The following GABRE variants were observed in gnomAD, a reference collection of about 807,000 sequenced individuals.
GABRE encodes the protein gamma-aminobutyric acid receptor subunit epsilon.
Under a neutral mutation model 31.0 loss-of-function variants are expected in GABRE, and 20 were observed. That is an observed-to-expected ratio of 0.64 (90% CI 0.45 to 0.94). GABRE has a LOEUF of 0.94. Ranked by LOEUF, GABRE falls within the 40% of genes least tolerant of loss-of-function variation. The pLI, the probability that GABRE is intolerant of heterozygous loss-of-function variation, is 0.00. For synonymous variants in GABRE, 155 were observed against 150.6 expected (o/e 1.03, Z -0.21); for missense variants, 420 against 410.7 (o/e 1.02, Z -0.20).
chrX:151,954,959 C>T lies in GABRE; in HGVS notation c.1263G>A (p.Pro421=), dbSNP rs781143885. ...TTEGSDGEER[P]SCSAQQPPSP... ...TAGGGGGCTGCTGGGCTGAGCAAGA[C>T]GGGCGCTCCTCTCCATCACTTCCCT... Residue 421 remains proline, a synonymous_variant, in exon 9 of 9, where the codon CCG becomes CCA. Coordinates refer to ENST00000370328, the MANE Select transcript of GABRE (RefSeq NM_004961.4). 156 of 1,205,427 alleles carry T rather than the reference C, an allele frequency of 1.3e-4. No homozygotes were observed. Among genetic ancestry groups the T allele is most frequent in the Middle Eastern group, 4.6e-4 (2 of 4,365 alleles).
intron 1 of GABRE, chrX:151,971,077 T>G: frequency 1.2e-6 from 1 of 821,567 alleles, no homozygotes; most frequent in South Asian, 4.2e-5. Flanking sequence ...AAGAAGAAGA[T>G]TAGTAAGAAT....
intron 3 of GABRE, among the ~76,000 whole-genome samples, chrX:151,968,331 G>A (rs1255683613): frequency 8.9e-6 from 1 of 112,306 alleles, no homozygotes; most frequent in Non-Finnish European, 1.9e-5. Context: ...TGACCCACAC[G>A]AACTGTGAGA....
chrX:151,964,182 C>A (rs73616097), intron 3 of GABRE, among the ~76,000 whole-genome samples: 1,323 of 111,145 alleles, frequency 0.012, 18 homozygotes, highest in African/African-American at 0.041. Flanking sequence ...GTTCTTGTGA[C>A]CTTGGCTAAA....
chrX:151,966,040 C>T (rs977794425), intron 3 of GABRE, among the ~76,000 whole-genome samples: 2 of 112,500 alleles, frequency 1.8e-5, no homozygotes, highest in African/African-American at 6.5e-5. Flanking sequence ...TGCTTGGTAG[C>T]CAGTGGGAAG....
intron 6 of GABRE, chrX:151,958,875 G>C (rs973890144): frequency 1.6e-4 from 44 of 279,718 alleles, no homozygotes; most frequent in African/African-American, 1.2e-3. Context: ...TACTGTGCAA[G>C]CAAAGCTCTA....
At chrX:151,972,051 T>C in intron 1 of GABRE, 2 of 753,845 alleles carry the variant, frequency 2.7e-6, no homozygotes, top group Non-Finnish European at 3.1e-6. Flanking sequence ...AAAGGATTTT[T>C]TTAAGCCATA....
chrX:151,970,436 C>A, intron 1 of GABRE, 34 bp from the exon 2 acceptor site: 9 of 1,191,671 alleles, frequency 7.6e-6, no homozygotes, highest in Non-Finnish European at 1.0e-5. Context: ...AAGCTCTGCC[C>A]TGCACTCTGT....
intron 6 of GABRE, chrX:151,958,940 A>G (rs1569453710): frequency 6.3e-6 from 2 of 315,856 alleles, no homozygotes. Context: ...AAATGAAACA[A>G]AAGCAGATTT....
Position 151,954,574 on chromosome X carries a change from G to A in GABRE, c.*127C>T. On this transcript the variant is annotated 3_prime_UTR_variant, in exon 9 of 9. Transcript: ENST00000370328. Reference sequence around the variant, plus strand: ...ACAAACCCTCTGCAAGCTTCTGTTTGGGGAATGGGGCAGGAAAAACTCTAG... The same window carrying A: ...ACAAACCCTCTGCAAGCTTCTGTTTAGGGAATGGGGCAGGAAAAACTCTAG... 1 of 498,476 alleles carries A rather than the reference G, an allele frequency of 2.0e-6. No homozygotes were observed. Among genetic ancestry groups the A allele is most frequent in the Non-Finnish European group, 3.3e-6 (1 of 299,158 alleles). The allele number at this position is 498,476 out of a possible 1,213,427, so 41.1% of individuals were successfully genotyped here. A position where few individuals can be genotyped will look rare whatever the true frequency, so the allele number is the denominator to read the frequency against.
rs45468892 is a variant in GABRE at position 151,970,273 on chromosome X, C to G, written c.186G>C (p.Gly62=). 1 of 1,212,107 alleles carries G rather than the reference C, an allele frequency of 8.3e-7. No homozygotes were observed. The highest frequency in any genetic ancestry group is 1.1e-6 in the Non-Finnish European group (1 of 895,627). ...EETKSTETET[G]SRVGKLPEAS... ...CTTCTGGCAGTTTGCCAACTCTGCT[C>G]CCAGTCTCAGTCTCAGTTGACTTTG... Residue 62 remains glycine (G), a synonymous_variant, in exon 2 of 9, where the codon GGG becomes GGC. Transcript: ENST00000370328.
At chrX:151,963,520 T>C (rs1217363984) in intron 3 of GABRE, among the ~76,000 whole-genome samples, 1 of 112,386 alleles carries the variant, frequency 8.9e-6, no homozygotes, top group Non-Finnish European at 1.9e-5. Context: ...TTCCACACTT[T>C]GGGAAAGTGT....
intron 3 of GABRE, among the ~76,000 whole-genome samples, chrX:151,964,566 G>A (rs1225189878): frequency 9.0e-6 from 1 of 111,377 alleles, no homozygotes; most frequent in Non-Finnish European, 1.9e-5. Flanking sequence ...TCCTGTGTAG[G>A]CTGTGATGCT....
Position 151,970,312 on chromosome X carries a change from G to A in GABRE, c.147C>T (p.Leu49=), listed in dbSNP as rs1443587392. 51 of 1,210,403 alleles carry A rather than the reference G, an allele frequency of 4.2e-5. No homozygotes were observed. The highest frequency in any genetic ancestry group is 5.2e-5 in the Non-Finnish European group (47 of 895,417). The stretch of plus-strand genomic sequence containing the variant: ...CAGTTGACTTTGTTTCCTCAGAGAG[G>A]AGCTGATTTTCCAGAGGCTGGGGCT... ...GPQPQPLENQ[L]LSEETKSTET... Residue 49 remains leucine (L), a synonymous_variant, in exon 2 of 9, where the codon CTC becomes CTT. Coordinates refer to ENST00000370328, the MANE Select transcript of GABRE (RefSeq NM_004961.4).
In GABRE at chrX:151,955,391, G is replaced by A. The variant is rs61740516; in HGVS notation, c.1114C>T (p.His372Tyr). 1.4e-3 allele frequency: 1,665 copies of A among 1,210,450 alleles called. 14 individuals are homozygous for A. In the African/African-American group the frequency reaches 0.026, roughly 19 times the overall value. Residue 372 changes from histidine (H) to tyrosine (Y), a missense_variant, in exon 8 of 9, where the codon CAT (histidine) becomes TAT (tyrosine). His to Tyr is a moderately conservative substitution (Grantham distance 83). Transcript: ENST00000370328. ...ACATGGCGGAGTTTAGGAGAAGCAT[G>A]GGCTTTTGTCTGGTTGTAGATCAGG... is the stretch of plus-strand genomic sequence containing the variant. Reference protein sequence around the residue: ...NFLIYNQTKAHASPKLRHPRI... With the variant: ...NFLIYNQTKAYASPKLRHPRI...
chrX:151,954,054 A>G lies in GABRE; in HGVS notation c.*647T>C, dbSNP rs1934044836. On this transcript the variant is annotated 3_prime_UTR_variant, in exon 9 of 9. Transcript: ENST00000370328. ...GATGTCACAGCAGCAGAGAGAGAGG[A>G]ATGCTGTCCCAAATAGGCTCTCTTG... 1 of 111,791 alleles carries G rather than the reference A, an allele frequency of 8.9e-6. No homozygotes were observed. Among genetic ancestry groups the G allele is most frequent in the Non-Finnish European group, 1.9e-5 (1 of 53,135 alleles). The allele number at this position is 111,791 out of a possible 1,213,427, so 9.2% of individuals were successfully genotyped here. A position where few individuals can be genotyped will look rare whatever the true frequency, so the allele number is the denominator to read the frequency against.
intron 1 of GABRE, 76 bp downstream of exon 1, chrX:151,974,494 T>A: frequency 1.5e-6 from 1 of 688,881 alleles, no homozygotes; most frequent in Non-Finnish European, 2.1e-6. Context: ...GCCGCTGGGG[T>A]CCCGGGAGCC....
At chrX:151,955,325 T>C (rs376970481) in intron 8 of GABRE, 43 bp downstream of exon 8, 1 of 1,208,986 alleles carries the variant, frequency 8.3e-7, no homozygotes, top group Non-Finnish European at 1.1e-6. Flanking sequence ...AGCATGTCTC[T>C]ACACTCCAAA....
chrX:151,969,506 C>A, intron 3 of GABRE, 163 bp downstream of exon 3: 1 of 409,002 alleles, frequency 2.4e-6, no homozygotes, highest in East Asian at 4.4e-5. Flanking sequence ...TTACCTTTTC[C>A]AGTCTCATTC....
rs765891212 is a variant in GABRE, at chrX:151,955,479, G to T, written c.1026C>A (p.Phe342Leu). 1.7e-6 allele frequency: 2 copies of T among 1,211,700 alleles called. No homozygotes were observed. The highest frequency in any genetic ancestry group is 3.5e-5 in the South Asian group (2 of 57,005). The change falls in exon 8 of 9, where the codon TTC becomes TTA. Residue 342 changes from phenylalanine to leucine, a missense_variant. By Grantham distance (22) the Phe-to-Leu change is conservative (BLOSUM62 0). Transcript: ENST00000370328. ...PRVSYITALD[F>L]YIAICFVFCF... ...AGAAGACGAAGCAGATGGCGATATA[G>T]AAATCCAAGGCTGTGATATAGGAGA...
Sources: allele counts gnomAD v4.1 joint callset (sites outside exome capture counted in the v4.1 genomes callset), GRCh38; gene constraint gnomAD v4.1.1; transcripts MANE v1.5; gene names NCBI Gene and HGNC (gene_info 2026-07-23, HGNC 2026-07-21).